Variants in LMF1 observed in about 807,000 individuals in gnomAD.
LMF1 encodes lipase maturation factor 1.
In LMF1, 68 loss-of-function variants were observed where a neutral mutation model predicts 60.6. That is an observed-to-expected ratio of 1.12 (90% confidence interval 0.92 to 1.37). The LOEUF (loss-of-function observed/expected upper bound fraction) is 1.37, where lower values mean the gene tolerates loss of function less well. Among genes scored for constraint, LMF1 ranks in the 40% most tolerant of loss-of-function variants. The pLI is 0.00. For missense variants in LMF1, 948 were observed against 767.2 expected (o/e 1.24, Z -2.78); for synonymous variants, 418 against 324.7 (o/e 1.29, Z -3.09).
chr16:953,898 CGTCCACACAGACA>C (rs1567311511), intron 2 of LMF1, among the ~76,000 whole-genome samples: 5 of 92,518 alleles, frequency 5.4e-5, no homozygotes, highest in African/African-American at 1.3e-4. Flanking sequence ...GCCTCCTACA[CGTCCACACAGACA>C]CCCACCCCAA....
chr16:975,161 T>C (rs1386912126), upstream of LMF1, among the ~76,000 whole-genome samples: 1 of 152,108 alleles, frequency 6.6e-6, no homozygotes, highest in Non-Finnish European at 1.5e-5. Flanking sequence ...CACCCTCGGC[T>C]ACAGGTCACG....
At chr16:869,370 C>A (rs769122144) in intron 9 of LMF1, 26 of 611,372 alleles carry the variant, frequency 4.3e-5, no homozygotes, top group Non-Finnish European at 7.6e-5. Context: ...GAGACGGGAC[C>A]GGGAGGACAG....
At chr16:870,140 G>T in intron 8 of LMF1, 74 bp from the exon 9 acceptor site, 88 of 1,499,166 alleles carry the variant, frequency 5.9e-5, no homozygotes, top group Middle Eastern at 2.0e-4. Flanking sequence ...GGGTGGGGGG[G>T]GTTCCCCGAC....
chr16:977,821 C>CCACA (rs750130083), intron 1 of LMF1, among the ~76,000 whole-genome samples: 3 of 150,578 alleles, frequency 2.0e-5, no homozygotes, highest in African/African-American at 7.3e-5. Flanking sequence ...CCAACACACA[C>CCACA]CACACACACA....
intron 2 of LMF1, among the ~76,000 whole-genome samples, chr16:937,578 G>A (rs1457803847): frequency 1.3e-5 from 2 of 152,036 alleles, no homozygotes; most frequent in East Asian, 3.9e-4. Flanking sequence ...GTGCTAGGGA[G>A]GCAGCAAGAC....
intron 3 of LMF1, among the ~76,000 whole-genome samples, chr16:920,443 G>A (rs960884856): frequency 2.0e-5 from 3 of 152,264 alleles, no homozygotes; most frequent in Non-Finnish European, 4.4e-5. Context: ...TCCAGAGCAA[G>A]AACTAAAATC....
rs370024606 is a variant in LMF1, at chr16:954,555, G to C, written c.305C>G (p.Thr102Arg). Residue 102 changes from threonine to arginine, a missense_variant, in exon 2 of 11, where the codon ACG (threonine) becomes AGG (arginine). Thr to Arg is a moderately conservative substitution (Grantham distance 71). Coordinates refer to ENST00000262301, the MANE Select transcript of LMF1 (RefSeq NM_022773.4). ...KNFQQYFQDR[T>R]SWEVFSYMPT... ...CATGTAGCTGAAGACTTCCCAGCTC[G>C]TCCTGTCCTGGAAGTACTGCTGGAA... 6.2e-7 allele frequency: 1 copy of C among 1,613,294 alleles called. No homozygotes were observed. The highest frequency in any genetic ancestry group is 8.5e-7 in the Non-Finnish European group (1 of 1,179,842).
At chr16:871,059 C>T (rs2069773596) in intron 7 of LMF1, 102 bp downstream of exon 7, 4 of 1,415,216 alleles carry the variant, frequency 2.8e-6, no homozygotes, top group Non-Finnish European at 2.8e-6. Context: ...CGCTGACTCT[C>T]CTCCTACCCT....
intron 2 of LMF1, among the ~76,000 whole-genome samples, chr16:942,281 T>G (rs1257025983): frequency 1.3e-5 from 2 of 152,236 alleles, no homozygotes; most frequent in African/African-American, 4.8e-5. Context: ...TATTTGAATC[T>G]TTATTCTTTG....
At chr16:888,084 C>T (rs530286919) in intron 5 of LMF1, among the ~76,000 whole-genome samples, 21 of 152,346 alleles carry the variant, frequency 1.4e-4, no homozygotes, top group Admixed American at 5.2e-4. Flanking sequence ...CATCCTTCGG[C>T]GGACGGAATT....
Position 970,858 on chromosome 16 carries a change from C to A in LMF1, c.123G>T (p.Pro41=), listed in dbSNP as rs749366895. The stretch of plus-strand genomic sequence containing the variant: ...AGAAGGTGCCCGTGTGGAGATGGGC[C>A]GGAGAGCCTGCGGGGCCACGCCCCG... ...PAPGRGPAGS[P]AHLHTGTFWL... is the part of the protein sequence containing the mutation. Residue 41 remains proline, a synonymous_variant, in exon 1 of 11, where the codon CCG becomes CCT. Transcript: ENST00000262301. 2 of 1,560,080 alleles carry A rather than the reference C, an allele frequency of 1.3e-6. No individual in the cohort carries two copies. The highest frequency in any genetic ancestry group is 2.4e-5 in the East Asian group (1 of 40,980).
At chr16:946,860 A>C (rs948122259) in intron 2 of LMF1, among the ~76,000 whole-genome samples, 2 of 152,226 alleles carry the variant, frequency 1.3e-5, no homozygotes, top group Non-Finnish European at 2.9e-5. Flanking sequence ...CTCAGCAAGT[A>C]TCTGCCAGCT....
At position 874,934 on chromosome 16, in the gene LMF1, G is replaced by A. The variant is rs1247881449; in HGVS notation, c.898-3593C>T. ...CACCCTCTGCCCTGTACGCCTGTGG[G>A]GGCAAAAGCCCTAGTTCAAGACCCC... On this transcript the variant is annotated intron_variant, in intron 6 of 10. Coordinates refer to ENST00000262301, the MANE Select transcript of LMF1 (RefSeq NM_022773.4). The surrounding 1 kb of genome is among the most constrained non-coding windows in gnomAD (Gnocchi z 4.1). Among the ~76,000 whole-genome samples the A allele has an allele frequency of 6.6e-6, 1 of 152,176 alleles. No homozygotes were observed. The highest frequency in any genetic ancestry group is 1.5e-5 in the Non-Finnish European group (1 of 68,018).
At chr16:886,914 C>T (rs1054635162) in intron 5 of LMF1, 1 of 146,162 alleles carries the variant, frequency 6.8e-6, no homozygotes, top group Non-Finnish European at 1.5e-5. Flanking sequence ...GCCCTTCCTT[C>T]CCAGCCCCCA....
At chr16:895,324 C>T (rs1345808666) in intron 4 of LMF1, among the ~76,000 whole-genome samples, 5 of 152,228 alleles carry the variant, frequency 3.3e-5, no homozygotes, top group Non-Finnish European at 4.4e-5. Context: ...CAGCCCATCA[C>T]GGGCTGTAGC....
intron 4 of LMF1, among the ~76,000 whole-genome samples, chr16:909,955 A>C (rs2071066198): frequency 6.6e-6 from 1 of 152,258 alleles, no homozygotes; most frequent in African/African-American, 2.4e-5. Context: ...AACTCTTCGT[A>C]CGTCTTCAGC....
At chr16:978,272 C>A (rs1210147273) in intron 1 of LMF1, among the ~76,000 whole-genome samples, 1 of 150,192 alleles carries the variant, frequency 6.7e-6, no homozygotes, top group African/African-American at 2.5e-5. Flanking sequence ...ACACACTATA[C>A]ACGCACCACA....
At chr16:952,658 G>C (rs9939520) in intron 2 of LMF1, 1 of 152,472 alleles carries the variant, frequency 6.6e-6, no homozygotes, top group East Asian at 1.9e-4. Flanking sequence ...TCCCGTCCAC[G>C]AAAGACACAA....
intron 1 of LMF1, chr16:964,240 G>C: frequency 2.4e-6 from 1 of 422,498 alleles, no homozygotes; most frequent in Admixed American, 2.4e-5. Context: ...AGGTTGTAGT[G>C]AGAGGAGATT....
Sources: allele counts gnomAD v4.1 joint callset (sites outside exome capture counted in the v4.1 genomes callset), GRCh38; gene constraint gnomAD v4.1.1; non-coding constraint Gnocchi (gnomAD v3.1); transcripts MANE v1.5; gene names NCBI Gene and HGNC (gene_info 2026-07-23, HGNC 2026-07-21).